STAM: variants seen among roughly 807,000 people sequenced by gnomAD.
STAM encodes signal transducing adaptor molecule.
STAM carries 16 observed loss-of-function variants against 63.4 expected under a neutral mutation model. The ratio of observed to expected loss-of-function variants is 0.25; its 90% CI spans 0.17 to 0.38. The LOEUF is 0.38. Ranked by LOEUF, STAM falls within the 10% of genes least tolerant of loss-of-function variation. STAM has a pLI of 1.00. For synonymous variants in STAM, 238 were observed against 223.9 expected (o/e 1.06, Z -0.56); for missense variants, 636 against 657.1 (o/e 0.97, Z 0.35).
intron 11 of STAM, 53 bp from the exon 12 acceptor site, chr10:17,705,535 C>T: frequency 6.4e-7 from 1 of 1,561,634 alleles, no homozygotes; most frequent in Non-Finnish European, 8.7e-7. Context: ...TTATTTAGAG[C>T]ATTATATCAT....
At chr10:17,657,830 T>C (rs1834001175) in intron 1 of STAM, among the ~76,000 whole-genome samples, 1 of 151,674 alleles carries the variant, frequency 6.6e-6, no homozygotes, top group Non-Finnish European at 1.5e-5. Context: ...CTGATATTAG[T>C]AATTGGTGTT....
At chr10:17,664,942 A>G (rs782246225) in intron 2 of STAM, among the ~76,000 whole-genome samples, 1 of 152,178 alleles carries the variant, frequency 6.6e-6, no homozygotes, top group South Asian at 2.1e-4. Context: ...ATTTGTAACT[A>G]GTAATATATA....
chr10:17,701,787 C>T (rs981202227), intron 9 of STAM, among the ~76,000 whole-genome samples: 6 of 152,140 alleles, frequency 3.9e-5, no homozygotes, highest in Admixed American at 2.6e-4. Context: ...ACCGCTTGCC[C>T]GTAGTGAAGA....
intron 12 of STAM, among the ~76,000 whole-genome samples, chr10:17,707,413 AAATAATAAT>A (rs782193967): frequency 6.6e-6 from 1 of 151,500 alleles, no homozygotes; most frequent in Non-Finnish European, 1.5e-5. Flanking sequence ...CCACCTCAAA[AAATAATAAT>A]AATAATAATA....
In STAM at chr10:17,667,020, G is replaced by A. The variant is rs569109219; in HGVS notation, c.125+6472G>A. On this transcript the variant is annotated intron_variant, in intron 2 of 13. Coordinates refer to ENST00000377524, the MANE Select transcript of STAM (RefSeq NM_003473.4). Reference sequence around the variant, plus strand: ...AACATTTTGTTTGATTATCACAGCAGTTCTAGGTACTGTAGATTCTCTCAA... The same window carrying A: ...AACATTTTGTTTGATTATCACAGCAATTCTAGGTACTGTAGATTCTCTCAA... Among the ~76,000 whole-genome samples the A allele has an allele frequency of 3.9e-5, 6 of 152,296 alleles. No individual in the cohort carries two copies. In the South Asian group the frequency reaches 1.0e-3, roughly 26 times the overall value.
intron 12 of STAM, 122 bp from the exon 13 acceptor site, chr10:17,708,654 T>C (rs983789767): frequency 9.6e-7 from 1 of 1,039,596 alleles, no homozygotes; most frequent in Non-Finnish European, 1.3e-6. Flanking sequence ...GAAATAACTT[T>C]GAAAAAAGGA....
At position 17,695,488 on chromosome 10, in the gene STAM, G is replaced by A. The variant is rs556783001; in HGVS notation, c.728+247G>A. 9.9e-5 allele frequency among the ~76,000 whole-genome samples: 15 copies of A among 151,678 alleles called. No individual in the cohort carries two copies. In the East Asian group the frequency reaches 1.5e-3, roughly 16 times the overall value. On this transcript the variant is annotated intron_variant, in intron 7 of 13. Transcript: ENST00000377524. ...GGCCTAGTTTAATCTATTCATTTTC[G>A]GTTCCACCTAATAATATAGATGGTT...
At chr10:17,664,971 TAAATA>T (rs1340553806) in intron 2 of STAM, among the ~76,000 whole-genome samples, 1 of 152,146 alleles carries the variant, frequency 6.6e-6, no homozygotes, top group East Asian at 1.9e-4. Context: ...ATTTAGAGGA[TAAATA>T]AAATGAAATA....
chr10:17,696,153 CAT>C (rs1362273156), intron 7 of STAM: 2 of 150,854 alleles, frequency 1.3e-5, no homozygotes, highest in Non-Finnish European at 3.0e-5. Context: ...AACATTCAGA[CAT>C]ATTTTAACAT....
chr10:17,704,634 C>T (rs547578735), intron 10 of STAM, 116 bp downstream of exon 10: 222 of 899,150 alleles, frequency 2.5e-4, no homozygotes, highest in Non-Finnish European at 3.4e-4. Context: ...CTCACTTCTC[C>T]TTGACCCAGG....
Position 17,714,665 on chromosome 10 carries a change from C to A in STAM, c.1508C>A (p.Pro503His), listed in dbSNP as rs782257932. 2.5e-5 allele frequency: 40 copies of A among 1,613,996 alleles called. 2 individuals are homozygous for A. The South Asian group carries it at 4.4e-4, about 18-fold the overall frequency. Residue 503 changes from proline (P) to histidine (H), a missense_variant, in exon 14 of 14, where the codon CCT (proline) becomes CAT (histidine). Physicochemically the swap from Pro to His is moderately conservative, Grantham distance 77. Coordinates refer to ENST00000377524, the MANE Select transcript of STAM (RefSeq NM_003473.4). Reference sequence around the variant, plus strand: ...GTCACTCTGTACCAGAATGCAGGACCTAATATGCCCCAGGTGCCAAACTAT... The same window carrying A: ...GTCACTCTGTACCAGAATGCAGGACATAATATGCCCCAGGTGCCAAACTAT... ...ADVTLYQNAG[P>H]NMPQVPNYNL...
intron 2 of STAM, among the ~76,000 whole-genome samples, chr10:17,671,311 A>G (rs1834631033): frequency 6.6e-6 from 1 of 152,258 alleles, no homozygotes; most frequent in Admixed American, 6.5e-5. Context: ...TTTGAAAGCT[A>G]CAGTTGTAAA....
At chr10:17,667,288 G>A (rs187673241) in intron 2 of STAM, among the ~76,000 whole-genome samples, 38 of 152,106 alleles carry the variant, frequency 2.5e-4, no homozygotes, top group Non-Finnish European at 4.4e-4. Context: ...CACCATGCCC[G>A]GCTATTTTGT....
At chr10:17,670,833 G>A (rs1554823993) in intron 2 of STAM, among the ~76,000 whole-genome samples, 1 of 142,050 alleles carries the variant, frequency 7.0e-6, no homozygotes, top group Non-Finnish European at 1.6e-5. Context: ...TTTGATATTT[G>A]TACTCTATAT....
At chr10:17,661,570 C>CCCA (rs1413673018) in intron 2 of STAM, among the ~76,000 whole-genome samples, 1 of 152,290 alleles carries the variant, frequency 6.6e-6, no homozygotes, top group African/African-American at 2.4e-5. Context: ...CTATATAAGC[C>CCCA]TTCATCTCAC....
At position 17,688,192 on chromosome 10, in the gene STAM, T is replaced by C. The variant is rs1589079829; in HGVS notation, c.444+19T>C. On this transcript the variant is annotated intron_variant, in intron 5 of 13. Transcript: ENST00000377524. The stretch of plus-strand genomic sequence containing the variant: ...CTCTCAGGTATTTTGGGAATGAAGT[T>C]GTGTGTGTGCTACAGTTTGTTTCTC... 1 of 1,515,902 alleles carries C rather than the reference T, an allele frequency of 6.6e-7. No individual in the cohort carries two copies. Among genetic ancestry groups the C allele is most frequent in the Non-Finnish European group, 8.8e-7 (1 of 1,130,054 alleles). The allele number at this position is 1,515,902 out of a possible 1,614,324, so 93.9% of individuals were successfully genotyped here.
At chr10:17,646,019 G>A (rs1564522727) in intron 1 of STAM, among the ~76,000 whole-genome samples, 5 of 152,226 alleles carry the variant, frequency 3.3e-5, no homozygotes, top group East Asian at 3.9e-4. Flanking sequence ...TGTCAAACCC[G>A]TTCCTAGTAG....
chr10:17,647,037 C>A (rs938612684), intron 1 of STAM, among the ~76,000 whole-genome samples: 2 of 152,148 alleles, frequency 1.3e-5, no homozygotes, highest in African/African-American at 4.8e-5. Context: ...GATAGCTTTT[C>A]CCTTGGAAGA....
At chr10:17,646,227 A>G (rs1833514746) in intron 1 of STAM, among the ~76,000 whole-genome samples, 1 of 152,116 alleles carries the variant, frequency 6.6e-6, no homozygotes, top group East Asian at 1.9e-4. Context: ...GGGCCAGGTA[A>G]ATATCTTTGT....
Sources: allele counts gnomAD v4.1 joint callset (sites outside exome capture counted in the v4.1 genomes callset), GRCh38; gene constraint gnomAD v4.1.1; transcripts MANE v1.5; gene names NCBI Gene and HGNC (gene_info 2026-07-23, HGNC 2026-07-21).